Variants in EIF3H observed in about 807,000 individuals in gnomAD.
The protein encoded by EIF3H is eIF-3-gamma.
Under a neutral mutation model 44.2 loss-of-function variants are expected in EIF3H, and 26 were observed. That is an observed-to-expected ratio of 0.59 (90% CI 0.43 to 0.82). EIF3H has a LOEUF of 0.82. Among genes scored for constraint, EIF3H ranks in the 40% least tolerant of loss-of-function variants. EIF3H has a pLI of 0.00. For missense variants in EIF3H, 359 were observed against 432.8 expected, an observed-to-expected ratio of 0.83 and a Z score of 1.51; for synonymous variants, 166 against 151.9, an observed-to-expected ratio of 1.09 and a Z score of -0.68.
chr8:116,672,514 G>GAGGT (rs1723690712), intron 2 of EIF3H, among the ~76,000 whole-genome samples: 1 of 152,020 alleles, frequency 6.6e-6, no homozygotes, highest in Non-Finnish European at 1.5e-5. Context: ...TCAGGAGAAG[G>GAGGT]AGGTATTCAG....
At chr8:116,696,502 T>A (rs548137552) in intron 2 of EIF3H, among the ~76,000 whole-genome samples, 56 of 152,336 alleles carry the variant, frequency 3.7e-4, no homozygotes, top group African/African-American at 1.3e-3. Flanking sequence ...CCTGAGACTA[T>A]TTAAAGTTTA....
At chr8:116,702,261 A>G (rs1243605612) in intron 2 of EIF3H, among the ~76,000 whole-genome samples, 1 of 152,244 alleles carries the variant, frequency 6.6e-6, no homozygotes, top group Non-Finnish European at 1.5e-5. Flanking sequence ...TTCATTCAGC[A>G]TGGCTGGCAT....
chr8:116,707,020 G>A (rs181592235), intron 2 of EIF3H, among the ~76,000 whole-genome samples: 1 of 152,184 alleles, frequency 6.6e-6, no homozygotes, highest in South Asian at 2.1e-4. Flanking sequence ...AGGAGCACTT[G>A]TATTTTATTT....
chr8:116,669,009 G>C (rs762231571), intron 2 of EIF3H, among the ~76,000 whole-genome samples: 2 of 152,078 alleles, frequency 1.3e-5, no homozygotes, highest in Admixed American at 1.3e-4. Context: ...TATTGGCGAC[G>C]GGGGAAATCA....
At chr8:116,712,227 G>C (rs13260809) in intron 2 of EIF3H, among the ~76,000 whole-genome samples, 67,378 of 152,090 alleles carry the variant, frequency 0.44, 18,788 homozygotes, top group Non-Finnish European at 0.62. Flanking sequence ...CTGGTTGTGA[G>C]GTTAGTAGCC....
chr8:116,680,205 G>T (rs1242698971), intron 2 of EIF3H, among the ~76,000 whole-genome samples: 1 of 61,238 alleles, frequency 1.6e-5, no homozygotes, highest in African/African-American at 5.1e-5. Flanking sequence ...GGGTGGGGGG[G>T]GGGGTCAGCC....
intron 6 of EIF3H, among the ~76,000 whole-genome samples, chr8:116,647,095 C>CT (rs1406882909): frequency 4.6e-5 from 7 of 150,890 alleles, no homozygotes; most frequent in East Asian, 3.9e-4. Flanking sequence ...CTTTTCTTTT[C>CT]TTTTTTTTGA....
rs1459247196 is a variant in EIF3H, at chr8:116,642,715, A to T, written c.*2291T>A. On this transcript the variant is annotated 3_prime_UTR_variant, in exon 8 of 8. Transcript: ENST00000521861. ...TGAAGAAACTGCAAATATTTATAGA[A>T]GATGAATCACATGTATTTGTTCCTG... The T allele has an allele frequency of 2.6e-5, 4 of 152,228 alleles. No homozygotes were observed. The highest frequency in any genetic ancestry group is 1.9e-4 in the East Asian group (1 of 5,202). The allele number at this position is 152,228 out of a possible 1,614,324, so 9.4% of individuals were successfully genotyped here.
intron 2 of EIF3H, among the ~76,000 whole-genome samples, chr8:116,669,009 G>A (rs762231571): frequency 1.3e-5 from 2 of 152,078 alleles, no homozygotes; most frequent in South Asian, 4.2e-4. Context: ...TATTGGCGAC[G>A]GGGGAAATCA....
At chr8:116,701,670 T>C (rs544493017) in intron 2 of EIF3H, among the ~76,000 whole-genome samples, 2 of 152,314 alleles carry the variant, frequency 1.3e-5, no homozygotes, top group South Asian at 4.1e-4. Context: ...GGATTATTCT[T>C]CCCTACAATC....
intron 5 of EIF3H, 87 bp downstream of exon 5, chr8:116,655,769 T>C: frequency 7.2e-7 from 1 of 1,387,070 alleles, no homozygotes; most frequent in Non-Finnish European, 1.0e-6. Context: ...AGTAACTGTT[T>C]TCTTGTTTCA....
intron 2 of EIF3H, among the ~76,000 whole-genome samples, chr8:116,671,598 C>T (rs1196692309): frequency 6.6e-6 from 1 of 152,116 alleles, no homozygotes; most frequent in Non-Finnish European, 1.5e-5. Context: ...CTGTGCCAGA[C>T]CTTCTAGGCG....
intron 2 of EIF3H, among the ~76,000 whole-genome samples, chr8:116,722,747 A>T (rs1814771457): frequency 1.3e-5 from 2 of 152,040 alleles, no homozygotes; most frequent in Non-Finnish European, 2.9e-5. Context: ...CTAAATGATC[A>T]TTTTTTTTAA....
chr8:116,751,009 G>A (rs999017401), intron 1 of EIF3H, among the ~76,000 whole-genome samples: 10 of 151,248 alleles, frequency 6.6e-5, no homozygotes, highest in African/African-American at 1.2e-4. Context: ...TCAGGAGATC[G>A]AGACCATCCC....
intron 1 of EIF3H, among the ~76,000 whole-genome samples, chr8:116,747,359 A>G (rs1278795341): frequency 6.6e-6 from 1 of 152,028 alleles, no homozygotes; most frequent in Non-Finnish European, 1.5e-5. Flanking sequence ...AGCACGGCCC[A>G]ATAACATGTT....
chr8:116,712,263 G>A (rs1261353910), intron 2 of EIF3H, among the ~76,000 whole-genome samples: 1 of 152,094 alleles, frequency 6.6e-6, no homozygotes, highest in Non-Finnish European at 1.5e-5. Context: ...TCTCCATAAG[G>A]GAGTCACCCA....
chr8:116,757,060 A>G (rs962799024), upstream of EIF3H, among the ~76,000 whole-genome samples: 4 of 152,244 alleles, frequency 2.6e-5, no homozygotes, highest in African/African-American at 7.2e-5. Context: ...TACATAACAC[A>G]GTTTTGTTTC....
At chr8:116,714,686 C>T (rs957725646) in intron 2 of EIF3H, among the ~76,000 whole-genome samples, 1 of 152,042 alleles carries the variant, frequency 6.6e-6, no homozygotes, top group East Asian at 1.9e-4. Context: ...AACAGTTCTA[C>T]CAAAAATATA....
At chr8:116,755,608 G>C in intron 1 of EIF3H, 58 bp downstream of exon 1, 2 of 1,606,512 alleles carry the variant, frequency 1.2e-6, no homozygotes, top group Non-Finnish European at 1.7e-6. Context: ...ACGTCTGGTG[G>C]GACGGGGCTG....
Sources: allele counts gnomAD v4.1 joint callset (sites outside exome capture counted in the v4.1 genomes callset), GRCh38; gene constraint gnomAD v4.1.1; transcripts MANE v1.5; gene names NCBI Gene and HGNC (gene_info 2026-07-23, HGNC 2026-07-21).